XKR6: variants seen among roughly 807,000 people sequenced by gnomAD.
XKR6 encodes the protein XK-related protein 6.
XKR6 carries 22 observed loss-of-function variants against 56.7 expected under a neutral mutation model. The observed-to-expected ratio is 0.39, with a 90% confidence interval of 0.28 to 0.55. The LOEUF is 0.55. XKR6 is among the 20% of genes least tolerant of loss of function. The pLI, the probability that XKR6 is intolerant of heterozygous loss-of-function variation, is 0.66. For synonymous variants in XKR6, 524 were observed against 387.8 expected (o/e 1.35, Z -4.13); for missense variants, 852 against 889.0 (o/e 0.96, Z 0.53).
At chr8:11,195,348 G>T (rs1020707718) in intron 1 of XKR6, 1 of 589,066 alleles carries the variant, frequency 1.7e-6, no homozygotes, top group African/African-American at 1.9e-5. Context: ...CAAATGGATA[G>T]TCAACTGCTA....
At chr8:11,046,251 T>C (rs1799407607) in intron 1 of XKR6, among the ~76,000 whole-genome samples, 1 of 151,912 alleles carries the variant, frequency 6.6e-6, no homozygotes. Flanking sequence ...AATACAAAAA[T>C]TAGCTGGGCA....
intron 1 of XKR6, among the ~76,000 whole-genome samples, chr8:11,027,650 A>T (rs1398108247): frequency 6.6e-6 from 1 of 152,214 alleles, no homozygotes; most frequent in African/African-American, 2.4e-5. Context: ...CAGTGGCTCA[A>T]GGCCTTGCAG....
chr8:11,026,275 TGCCTACTACACACCTAGATGGTCTA>T (rs1397850526), intron 1 of XKR6, among the ~76,000 whole-genome samples: 3 of 150,852 alleles, frequency 2.0e-5, no homozygotes, highest in Admixed American at 6.6e-5. Flanking sequence ...TTAATGGTGT[TGCCTACTACACACCTAGATGGTCTA>T]GCCTACTACA....
At position 10,898,434 on chromosome 8, in the gene XKR6, T is replaced by A. The variant is rs1331082740; in HGVS notation, c.1444A>T (p.Ile482Phe). 1 of 1,614,028 alleles carries A rather than the reference T, an allele frequency of 6.2e-7. No individual in the cohort carries two copies. Among genetic ancestry groups the A allele is most frequent in the Non-Finnish European group, 8.5e-7 (1 of 1,179,992 alleles). ...YAVPALCCVFISFVAGIAMML... is the reference protein window; with the variant it reads ...YAVPALCCVFFSFVAGIAMML... Reference sequence around the variant, plus strand: ...ATTGCGATCCCAGCCACAAAGCTAATAAAGACACAACACAGTGCTGGCACC... The same window carrying A: ...ATTGCGATCCCAGCCACAAAGCTAAAAAAGACACAACACAGTGCTGGCACC... The change falls in exon 3 of 3, where the codon ATT becomes TTT. Residue 482 changes from isoleucine (I) to phenylalanine (F), a missense_variant. Ile to Phe is a conservative substitution (Grantham distance 21). Coordinates refer to ENST00000416569, the MANE Select transcript of XKR6 (RefSeq NM_173683.4). The surrounding 1 kb of genome is among the most constrained non-coding windows in gnomAD (Gnocchi z 6.6).
intron 1 of XKR6, among the ~76,000 whole-genome samples, chr8:11,039,080 A>G (rs1417596403): frequency 6.6e-6 from 1 of 152,176 alleles, no homozygotes; most frequent in Non-Finnish European, 1.5e-5. Flanking sequence ...AGAGCCAGGG[A>G]GACCTCAGGG....
intron 1 of XKR6, among the ~76,000 whole-genome samples, chr8:10,963,123 G>A (rs1802114418): frequency 6.6e-6 from 1 of 152,160 alleles, no homozygotes; most frequent in Non-Finnish European, 1.5e-5. Context: ...GCGCTTCCAG[G>A]GGCAGCCAGT....
chr8:10,955,240 G>A (rs1215034961), intron 1 of XKR6, among the ~76,000 whole-genome samples: 2 of 151,954 alleles, frequency 1.3e-5, no homozygotes, highest in Non-Finnish European at 2.9e-5. Flanking sequence ...TACAATGATT[G>A]CTGCTCACTG....
At chr8:11,194,460 T>C (rs1431684956) in intron 1 of XKR6, 1 of 152,248 alleles carries the variant, frequency 6.6e-6, no homozygotes, top group African/African-American at 2.4e-5. Flanking sequence ...GGTTATATTT[T>C]CATAAATTTT....
Position 11,048,394 on chromosome 8 carries a change from C to T in XKR6, c.765-123564G>A, listed in dbSNP as rs116989013. ...TTCTGGAGGCCTTGCCTTCTCTCCCCGCCCCGCCCACCAGAGTCCCTGTGC... is the reference window on the plus strand; with the variant it reads ...TTCTGGAGGCCTTGCCTTCTCTCCCTGCCCCGCCCACCAGAGTCCCTGTGC... On this transcript the variant is annotated intron_variant, in intron 1 of 2. Transcript: ENST00000416569. Among the ~76,000 whole-genome samples the T allele has an allele frequency of 3.3e-4, 50 of 152,240 alleles. No individual in the cohort carries two copies. The East Asian group carries it at 9.6e-3, about 29-fold the overall frequency.
chr8:11,190,983 C>A (rs28653105), intron 1 of XKR6, among the ~76,000 whole-genome samples: 2 of 152,286 alleles, frequency 1.3e-5, no homozygotes, highest in East Asian at 3.9e-4. Context: ...TTTTGTCATA[C>A]ATTCTAACAC....
At chr8:11,044,736 A>T (rs1271185889) in intron 1 of XKR6, among the ~76,000 whole-genome samples, 2 of 151,356 alleles carry the variant, frequency 1.3e-5, no homozygotes, top group South Asian at 4.2e-4. Flanking sequence ...CTCCTGCCTC[A>T]GGCTCCCAAG....
chr8:11,181,911 G>A (rs1048334112), intron 1 of XKR6, among the ~76,000 whole-genome samples: 43 of 151,918 alleles, frequency 2.8e-4, no homozygotes, highest in Non-Finnish European at 1.2e-4. Flanking sequence ...GGAGTGCAGT[G>A]GCGAGATCTC....
At chr8:11,047,271 T>A (rs890975109) in intron 1 of XKR6, among the ~76,000 whole-genome samples, 9 of 152,182 alleles carry the variant, frequency 5.9e-5, no homozygotes, top group African/African-American at 2.2e-4. Flanking sequence ...TAATACATAG[T>A]TTCCTTTTGT....
chr8:11,028,699 G>A (rs895859565), intron 1 of XKR6, among the ~76,000 whole-genome samples: 5 of 152,252 alleles, frequency 3.3e-5, no homozygotes, highest in South Asian at 2.1e-4. Context: ...TACCTTTGCC[G>A]CTTACTAATA....
At chr8:11,110,112 A>G (rs1199432098) in intron 1 of XKR6, among the ~76,000 whole-genome samples, 6 of 152,096 alleles carry the variant, frequency 3.9e-5, no homozygotes, top group Non-Finnish European at 5.9e-5. Context: ...AGCTGGGATT[A>G]CAGGTGCCCG....
At chr8:11,122,134 T>C (rs2129183941) in intron 1 of XKR6, among the ~76,000 whole-genome samples, 1 of 152,370 alleles carries the variant, frequency 6.6e-6, no homozygotes, top group South Asian at 2.1e-4. Context: ...GAACTGCTGT[T>C]GCCACAGTCT....
chr8:10,911,370 T>C (rs1342916561), intron 2 of XKR6, among the ~76,000 whole-genome samples: 1 of 143,850 alleles, frequency 7.0e-6, no homozygotes, highest in Non-Finnish European at 1.5e-5. Flanking sequence ...TATATATATA[T>C]AGACAGAGAG....
chr8:11,046,371 G>A (rs951223216), intron 1 of XKR6, among the ~76,000 whole-genome samples: 5 of 152,152 alleles, frequency 3.3e-5, no homozygotes, highest in Admixed American at 1.3e-4. Context: ...CTGCATCCCA[G>A]CCTGGGCAAC....
chr8:11,111,172 GGATA>G (rs1284219969), intron 1 of XKR6, among the ~76,000 whole-genome samples: 2 of 151,980 alleles, frequency 1.3e-5, no homozygotes, highest in African/African-American at 4.8e-5. Flanking sequence ...ATTTTTTAAA[GGATA>G]AATAAGCTTT....
Sources: gnomAD v4.1 joint callset for allele counts (sites outside exome capture counted in the v4.1 genomes callset) on GRCh38, gnomAD v4.1.1 for gene constraint, Gnocchi (gnomAD v3.1) non-coding constraint, MANE v1.5 for transcripts, NCBI Gene and HGNC (gene_info 2026-07-23, HGNC 2026-07-21) for gene names.